Variants in PPP3CA observed in about 807,000 individuals in gnomAD.
PPP3CA encodes the protein protein phosphatase 3 catalytic subunit alpha, also known as CAM-PRP catalytic subunit.
In PPP3CA, 14 loss-of-function variants were observed where a neutral mutation model predicts 66.5. The observed-to-expected ratio is 0.21, with a 90% CI of 0.14 to 0.33. PPP3CA has a LOEUF of 0.33. PPP3CA is among the 10% of genes least tolerant of loss of function. PPP3CA has a pLI of 1.00. For missense variants in PPP3CA, 317 were observed against 639.5 expected, an observed-to-expected ratio of 0.50 and a Z score of 5.44; for synonymous variants, 232 against 226.2, an observed-to-expected ratio of 1.03 and a Z score of -0.23.
At chr4:101,131,146 G>T (rs908313539) in intron 2 of PPP3CA, among the ~76,000 whole-genome samples, 1 of 151,944 alleles carries the variant, frequency 6.6e-6, no homozygotes, top group Non-Finnish European at 1.5e-5. Context: ...TGAGGCAGGA[G>T]AACTGCTTGA....
chr4:101,202,639 G>C (rs1041672808), intron 1 of PPP3CA, among the ~76,000 whole-genome samples: 1 of 152,090 alleles, frequency 6.6e-6, no homozygotes, highest in Non-Finnish European at 1.5e-5. Flanking sequence ...CATCACTTGC[G>C]TGTTTGAAAG....
Position 101,032,271 on chromosome 4 carries a change from T to C in PPP3CA, c.1335A>G (p.Gln445=). ...GVLSGGKQTL[Q]SATVEAIEAD... ...CATACCCATCAGCCTGCTTACCGCT[T>C]TGCAGGGTTTGCTTCCCTCCAGAAA... Residue 445 remains glutamine, a synonymous_variant, in exon 12 of 14, where the codon CAA becomes CAG. Coordinates refer to ENST00000394854, the MANE Select transcript of PPP3CA (RefSeq NM_000944.5). The C allele has an allele frequency of 6.2e-7, 1 of 1,601,622 alleles. No homozygotes were observed. The highest frequency in any genetic ancestry group is 8.5e-7 in the Non-Finnish European group (1 of 1,174,716).
chr4:101,346,406 A>C (rs1233396787), intron 1 of PPP3CA, among the ~76,000 whole-genome samples: 1 of 151,810 alleles, frequency 6.6e-6, no homozygotes, highest in Non-Finnish European at 1.5e-5. Context: ...TTTCTGTCAC[A>C]GCAGCTACAC....
At chr4:101,171,486 A>T (rs1723879092) in intron 2 of PPP3CA, among the ~76,000 whole-genome samples, 1 of 152,116 alleles carries the variant, frequency 6.6e-6, no homozygotes, top group Non-Finnish European at 1.5e-5. Context: ...TTGTGCACTC[A>T]CTGTATATCT....
chr4:101,310,141 C>T (rs1014512825), intron 1 of PPP3CA, among the ~76,000 whole-genome samples: 2 of 152,148 alleles, frequency 1.3e-5, no homozygotes, highest in African/African-American at 4.8e-5. Context: ...CCATAATTAA[C>T]TTCCTGTTTT....
chr4:101,062,924 A>G (rs944599349), intron 9 of PPP3CA, among the ~76,000 whole-genome samples: 3 of 152,018 alleles, frequency 2.0e-5, no homozygotes, highest in African/African-American at 7.2e-5. Context: ...AAGGGTAGAC[A>G]TTACTTGAAA....
At chr4:101,195,670 C>G (rs2110190338) in intron 2 of PPP3CA, among the ~76,000 whole-genome samples, 1 of 152,268 alleles carries the variant, frequency 6.6e-6, no homozygotes, top group South Asian at 2.1e-4. Flanking sequence ...AGTATCACTT[C>G]AGAAATCATC....
At chr4:101,106,073 A>C (rs958478502) in intron 3 of PPP3CA, among the ~76,000 whole-genome samples, 1 of 152,044 alleles carries the variant, frequency 6.6e-6, no homozygotes, top group Admixed American at 6.6e-5. Context: ...TTGTAATCTG[A>C]GCACTTTGGG....
chr4:101,322,943 G>C (rs971380527), intron 1 of PPP3CA, among the ~76,000 whole-genome samples: 4 of 151,924 alleles, frequency 2.6e-5, no homozygotes, highest in Non-Finnish European at 4.4e-5. Context: ...GCTGTTTTTT[G>C]CTACACTCAG....
intron 2 of PPP3CA, among the ~76,000 whole-genome samples, chr4:101,164,406 C>T (rs1344518651): frequency 6.6e-6 from 1 of 152,132 alleles, no homozygotes; most frequent in Non-Finnish European, 1.5e-5. Context: ...TAAAACAGTA[C>T]TTGGCATATA....
At chr4:101,152,502 T>C (rs1723175259) in intron 2 of PPP3CA, among the ~76,000 whole-genome samples, 1 of 152,196 alleles carries the variant, frequency 6.6e-6, no homozygotes, top group Non-Finnish European at 1.5e-5. Context: ...ACATTTTACT[T>C]TGTAAGATCA....
In PPP3CA at chr4:101,346,974, CCTCCTCCGCCGCCGCCGCCTTCA is replaced by C. The variant is rs1480894432; in HGVS notation, c.-201_-179del. 37 of 676,356 alleles carry C rather than the reference CCTCCTCCGCCGCCGCCGCCTTCA, an allele frequency of 5.5e-5. No homozygotes were observed. The highest frequency in any genetic ancestry group is 4.5e-4 in the East Asian group (15 of 33,498). The allele number at this position is 676,356 out of a possible 1,614,324, so 41.9% of individuals were successfully genotyped here. Reference sequence around the variant, plus strand: ...AAAGTTGCTGCCTTTTCCGCGCGTCCCTCCTCCGCCGCCGCCGCCTTCACTCCTCCTCCGCCGCTGCCGCCAGC... The same window carrying C: ...AAAGTTGCTGCCTTTTCCGCGCGTCCCTCCTCCTCCGCCGCTGCCGCCAGC... On this transcript the variant is annotated 5_prime_UTR_variant, in exon 1 of 14. Transcript: ENST00000394854.
rs777661479 is a variant in PPP3CA, at chr4:101,039,385, C to G, written c.1241+1097G>C. ...TACATAATCAATGCTTTAAGTTTCA[C>G]TATATTTACTTATGGCATGAATGAA... On this transcript the variant is annotated intron_variant, in intron 11 of 13. Coordinates refer to ENST00000394854, the MANE Select transcript of PPP3CA (RefSeq NM_000944.5). Among the ~76,000 whole-genome samples, 3 of 145,044 alleles carry G rather than the reference C, an allele frequency of 2.1e-5. 1 individual carries two copies. Among genetic ancestry groups the G allele is most frequent in the Non-Finnish European group, 1.5e-5 (1 of 64,660 alleles).
intron 10 of PPP3CA, among the ~76,000 whole-genome samples, chr4:101,055,407 A>G (rs1189044581): frequency 6.6e-6 from 1 of 152,128 alleles, no homozygotes; most frequent in East Asian, 1.9e-4. Context: ...CCAGACTATC[A>G]TTTTAACATT....
chr4:101,285,315 G>A (rs1727804495), intron 1 of PPP3CA, among the ~76,000 whole-genome samples: 1 of 151,966 alleles, frequency 6.6e-6, no homozygotes, highest in Non-Finnish European at 1.5e-5. Flanking sequence ...GGAGATTATG[G>A]CCTCCCAACC....
intron 1 of PPP3CA, among the ~76,000 whole-genome samples, chr4:101,217,777 C>T (rs2659520): frequency 0.17 from 26,121 of 151,976 alleles, 3,309 homozygotes; most frequent in East Asian, 0.33. Context: ...ATTTAAATCA[C>T]GAATCAGCCT....
chr4:101,343,966 T>C (rs1729901177), intron 1 of PPP3CA, among the ~76,000 whole-genome samples: 1 of 152,142 alleles, frequency 6.6e-6, no homozygotes, highest in Admixed American at 6.5e-5. Flanking sequence ...GCAAATGCCA[T>C]GGCATGCCAT....
chr4:101,336,755 C>G (rs1729646351), intron 1 of PPP3CA, among the ~76,000 whole-genome samples: 1 of 152,034 alleles, frequency 6.6e-6, no homozygotes. Context: ...CAGACTTGTC[C>G]AGGATGGAGT....
intron 2 of PPP3CA, among the ~76,000 whole-genome samples, chr4:101,131,710 C>A (rs1344041714): frequency 6.6e-6 from 1 of 152,132 alleles, no homozygotes; most frequent in Non-Finnish European, 1.5e-5. Flanking sequence ...AGAAAATTAA[C>A]AAGGATATTC....
Sources: gnomAD v4.1 joint callset for allele counts (sites outside exome capture counted in the v4.1 genomes callset) on GRCh38, gnomAD v4.1.1 for gene constraint, MANE v1.5 for transcripts, NCBI Gene and HGNC (gene_info 2026-07-23, HGNC 2026-07-21) for gene names.